Variants in ZRANB3 observed in about 807,000 individuals in gnomAD.
The protein encoded by ZRANB3 is DNA annealing helicase and endonuclease ZRANB3.
In ZRANB3, 125 loss-of-function variants were observed where a neutral mutation model predicts 133.8. That is an observed-to-expected ratio of 0.93 (90% CI 0.81 to 1.08). ZRANB3 has a LOEUF of 1.08. Ranked by LOEUF, ZRANB3 falls within the 50% of genes least tolerant of loss-of-function variation. The pLI, the probability that ZRANB3 is intolerant of heterozygous loss-of-function variation, is 0.00. For missense variants in ZRANB3, 1,229 were observed against 1,275.5 expected (o/e 0.96, Z 0.56); for synonymous variants, 387 against 432.7 (o/e 0.89, Z 1.31).
intron 2 of ZRANB3, among the ~76,000 whole-genome samples, chr2:135,451,542 A>G (rs1195369281): frequency 6.6e-6 from 1 of 152,094 alleles, no homozygotes; most frequent in African/African-American, 2.4e-5. Context: ...AGCCTGGGCA[A>G]CAGAGCGAGA....
chr2:135,319,748 G>C (rs1175795634), intron 6 of ZRANB3, among the ~76,000 whole-genome samples: 1 of 152,066 alleles, frequency 6.6e-6, no homozygotes, highest in African/African-American at 2.4e-5. Flanking sequence ...CCTATACTAG[G>C]TTGGCTAGCA....
At chr2:135,438,604 G>T (rs1689648985) in intron 2 of ZRANB3, among the ~76,000 whole-genome samples, 1 of 151,860 alleles carries the variant, frequency 6.6e-6, no homozygotes, top group African/African-American at 2.4e-5. Flanking sequence ...AAGGGCAACT[G>T]CCTCCATCTT....
At chr2:135,357,937 A>T (rs73956973) in intron 3 of ZRANB3, among the ~76,000 whole-genome samples, 11,724 of 152,208 alleles carry the variant, frequency 0.077, 1,490 homozygotes, top group African/African-American at 0.27. Context: ...GTAACGGCAA[A>T]TACCTCATTC....
intron 2 of ZRANB3, among the ~76,000 whole-genome samples, chr2:135,453,060 T>G (rs1690345369): frequency 6.6e-6 from 1 of 152,256 alleles, no homozygotes; most frequent in Admixed American, 6.5e-5. Context: ...TTCTGAAATC[T>G]AGGCAGGGAT....
chr2:135,388,230 G>C (rs1226562431), intron 3 of ZRANB3, among the ~76,000 whole-genome samples: 1 of 152,172 alleles, frequency 6.6e-6, no homozygotes, highest in African/African-American at 2.4e-5. Context: ...CAGCATGGGA[G>C]AGACCCACCC....
intron 12 of ZRANB3, among the ~76,000 whole-genome samples, chr2:135,232,121 C>T (rs1241347956): frequency 6.6e-6 from 1 of 152,214 alleles, no homozygotes; most frequent in Non-Finnish European, 1.5e-5. Flanking sequence ...ACGGTCTTAG[C>T]AAATGCCACA....
intron 8 of ZRANB3, among the ~76,000 whole-genome samples, chr2:135,308,572 A>T (rs1195705707): frequency 6.6e-6 from 1 of 151,804 alleles, no homozygotes; most frequent in Non-Finnish European, 1.5e-5. Flanking sequence ...TTTCTTTTTT[A>T]TTTAAATTTT....
intron 12 of ZRANB3, among the ~76,000 whole-genome samples, chr2:135,246,649 T>C (rs944413091): frequency 1.3e-5 from 2 of 152,214 alleles, no homozygotes; most frequent in African/African-American, 4.8e-5. Context: ...CACGCCCATG[T>C]CATAAGGAAA....
chr2:135,486,055 T>C (rs905833845), intron 2 of ZRANB3, among the ~76,000 whole-genome samples: 5 of 152,160 alleles, frequency 3.3e-5, no homozygotes, highest in African/African-American at 7.2e-5. Context: ...ACCTCGACGA[T>C]TGTTGATGGC....
At chr2:135,342,069 C>G (rs960327689) in intron 6 of ZRANB3, among the ~76,000 whole-genome samples, 22 of 149,904 alleles carry the variant, frequency 1.5e-4, no homozygotes, top group Non-Finnish European at 5.9e-5. Flanking sequence ...CACTCCCTAC[C>G]TTTTGAAAAT....
intron 2 of ZRANB3, among the ~76,000 whole-genome samples, chr2:135,420,070 A>G (rs1178046907): frequency 7.2e-6 from 1 of 139,744 alleles, no homozygotes; most frequent in Non-Finnish European, 1.5e-5. Flanking sequence ...TTTACGTAAG[A>G]TACATATATA....
chr2:135,526,203 G>A (rs556104073), intron 1 of ZRANB3, among the ~76,000 whole-genome samples: 27 of 128,214 alleles, frequency 2.1e-4, no homozygotes, highest in Admixed American at 1.1e-3. Flanking sequence ...TCACTCTGTC[G>A]CCCAGGCTGG....
chr2:135,367,591 A>T lies in ZRANB3; in HGVS notation c.181-13963T>A, dbSNP rs185462645. Among the ~76,000 whole-genome samples the T allele has an allele frequency of 1.0e-3, 159 of 152,328 alleles. 1 individual carries two copies. Among genetic ancestry groups the T allele is most frequent in the South Asian group, 1.2e-3 (6 of 4,828 alleles). On this transcript the variant is annotated intron_variant, in intron 3 of 20. Transcript: ENST00000264159. ...GTTAATAAAGATCTAGAACCTAAAA[A>T]AAATAAATAAATAAATAAACCACCC... is the stretch of plus-strand genomic sequence containing the variant.
intron 2 of ZRANB3, among the ~76,000 whole-genome samples, chr2:135,396,374 C>T (rs1324193508): frequency 2.6e-5 from 4 of 152,118 alleles, no homozygotes; most frequent in African/African-American, 9.7e-5. Flanking sequence ...ATGTTTATTG[C>T]AGCACTATTC....
chr2:135,255,811 C>T (rs1338929635), intron 12 of ZRANB3, among the ~76,000 whole-genome samples: 1 of 151,882 alleles, frequency 6.6e-6, no homozygotes, highest in Non-Finnish European at 1.5e-5. Context: ...CTCCACTGAA[C>T]AATCCTGGGC....
At chr2:135,361,391 T>C (rs1190645781) in intron 3 of ZRANB3, among the ~76,000 whole-genome samples, 3 of 152,234 alleles carry the variant, frequency 2.0e-5, no homozygotes, top group Non-Finnish European at 4.4e-5. Context: ...AAATTGTAAA[T>C]CACCATTTTA....
chr2:135,439,764 AT>A (rs1689699935), intron 2 of ZRANB3, among the ~76,000 whole-genome samples: 1 of 152,212 alleles, frequency 6.6e-6, no homozygotes, highest in Non-Finnish European at 1.5e-5. Flanking sequence ...TTTAACTGGT[AT>A]AATGCAGTTT....
At chr2:135,264,330 G>C (rs1680113950) in intron 12 of ZRANB3, among the ~76,000 whole-genome samples, 1 of 151,650 alleles carries the variant, frequency 6.6e-6, no homozygotes, top group Non-Finnish European at 1.5e-5. Flanking sequence ...AAATTAGTCA[G>C]GCATGGTGGT....
chr2:135,379,188 AT>A (rs1275395636), intron 3 of ZRANB3, among the ~76,000 whole-genome samples: 23 of 152,158 alleles, frequency 1.5e-4, no homozygotes, highest in Non-Finnish European at 1.5e-5. Context: ...TAAATTAAAA[AT>A]TTTTTTAAAA....
Sources: gnomAD v4.1 joint callset for allele counts (sites outside exome capture counted in the v4.1 genomes callset) on GRCh38, gnomAD v4.1.1 for gene constraint, MANE v1.5 for transcripts, NCBI Gene and HGNC (gene_info 2026-07-23, HGNC 2026-07-21) for gene names.